Variants in CLCA4 observed in about 807,000 individuals in gnomAD.
The protein encoded by CLCA4 is chloride channel accessory 4.
In CLCA4, 69 loss-of-function variants were observed where a neutral mutation model predicts 78.9. The observed-to-expected ratio is 0.87, with a 90% CI of 0.72 to 1.07. The LOEUF is 1.07. CLCA4 is among the 50% of genes least tolerant of loss of function. The pLI, the probability that CLCA4 is intolerant of heterozygous loss-of-function variation, is 0.00. For missense variants in CLCA4, 1,133 were observed against 1,095.8 expected, an observed-to-expected ratio of 1.03 and a Z score of -0.48; for synonymous variants, 362 against 375.8, an observed-to-expected ratio of 0.96 and a Z score of 0.42.
At chr1:86,563,480 T>C (rs1650083294) in intron 3 of CLCA4, among the ~76,000 whole-genome samples, 181 bp from the exon 4 acceptor site, 1 of 152,110 alleles carries the variant, frequency 6.6e-6, no homozygotes, top group South Asian at 2.1e-4. Context: ...TATTACATAA[T>C]ATAGCATAAT....
intron 5 of CLCA4, 120 bp downstream of exon 5, chr1:86,565,571 TGGCTAACAC>T: frequency 3.8e-6 from 3 of 784,300 alleles, no homozygotes; most frequent in Non-Finnish European, 6.1e-6. Context: ...CTTTGAACAC[TGGCTAACAC>T]ATAGTATTTG....
Position 86,574,693 on chromosome 1 carries a change from GA to G in CLCA4, c.1625del (p.Asn542IlefsTer37). ...SLWDPSGTIM[E>X]NFTVDATSKM... is the part of the protein sequence containing the mutation. ...CTGGGATCCCAGTGGAACAATAATG[GA>G]AAATTTCACAGTGGATGCAACTTCC... On this transcript the variant is annotated frameshift_variant, in exon 10 of 14. Transcript: ENST00000370563. LOFTEE classifies it high-confidence loss of function. The G allele has an allele frequency of 1.9e-6, 3 of 1,613,254 alleles. No homozygotes were observed. The highest frequency in any genetic ancestry group is 1.7e-6 in the Non-Finnish European group (2 of 1,179,538).
chr1:86,567,323 T>C, intron 6 of CLCA4, 101 bp from the exon 7 acceptor site: 1 of 976,942 alleles, frequency 1.0e-6, no homozygotes. Flanking sequence ...TTACCATTCA[T>C]AGAAAATGTT....
At chr1:86,553,200 C>CAA in intron 1 of CLCA4, 1 of 1,158,544 alleles carries the variant, frequency 8.6e-7, no homozygotes, top group Admixed American at 1.7e-5. Context: ...AAGCATGTGG[C>CAA]AAAGCTGCAG....
intron 3 of CLCA4, 126 bp downstream of exon 3, chr1:86,560,484 T>A: frequency 1.1e-6 from 1 of 901,350 alleles, no homozygotes; most frequent in Non-Finnish European, 1.7e-6. Flanking sequence ...ACTTACTAGC[T>A]GTATGTGACC....
intron 1 of CLCA4, among the ~76,000 whole-genome samples, chr1:86,552,212 A>C (rs1649685897): frequency 6.6e-6 from 1 of 152,252 alleles, no homozygotes; most frequent in Non-Finnish European, 1.5e-5. Flanking sequence ...AAGTTTAAAA[A>C]TATGTATCTT....
At chr1:86,564,563 C>T (rs965256214) in intron 4 of CLCA4, among the ~76,000 whole-genome samples, 1 of 152,052 alleles carries the variant, frequency 6.6e-6, no homozygotes, top group African/African-American at 2.4e-5. Flanking sequence ...ATAGAAGCAT[C>T]GACATATTTA....
intron 1 of CLCA4, among the ~76,000 whole-genome samples, chr1:86,549,804 T>C (rs1364744867): frequency 6.6e-6 from 1 of 152,142 alleles, no homozygotes; most frequent in Non-Finnish European, 1.5e-5. Flanking sequence ...AGTTAGTTGG[T>C]TGGGGCTTTT....
rs1237585176 is a variant in CLCA4 at position 86,566,123 on chromosome 1, T to TA, written c.954+106dup. 1.3e-5 allele frequency: 12 copies of TA among 919,454 alleles called. No individual in the cohort carries two copies. The Admixed American group carries it at 3.3e-4, about 26-fold the overall frequency. The allele number at this position is 919,454 out of a possible 1,614,324, so 57.0% of individuals were successfully genotyped here. On this transcript the variant is annotated intron_variant, in intron 6 of 13. Transcript: ENST00000370563. Reference sequence around the variant, plus strand: ...GATTGTTCTAAATTGCATGGTGGCATAAAGTACCATCACTGCCCATGATCA... The same window carrying TA: ...GATTGTTCTAAATTGCATGGTGGCATAAAAGTACCATCACTGCCCATGATCA...
At chr1:86,574,448 C>A in intron 9 of CLCA4, 92 bp from the exon 10 acceptor site, 1 of 996,348 alleles carries the variant, frequency 1.0e-6, no homozygotes, top group Non-Finnish European at 1.5e-6. Context: ...CATTTATAAG[C>A]TTGTTCTCAG....
At chr1:86,553,959 G>A (rs1428059759) in intron 1 of CLCA4, among the ~76,000 whole-genome samples, 2 of 152,070 alleles carry the variant, frequency 1.3e-5, no homozygotes, top group East Asian at 3.9e-4. Flanking sequence ...GTGTGTCAAT[G>A]TATGACCCAT....
chr1:86,567,423 G>A lies in CLCA4; in HGVS notation c.955-1G>A. On this transcript the variant is annotated splice_acceptor_variant, in intron 6 of 13. Transcript: ENST00000370563. LOFTEE classifies it high-confidence loss of function. ...TTGTTTTTCTTGTCTTTTTAATCTA[G>A]GGTAAGGACCGCCTAAATCGAATGA... 6.3e-7 allele frequency: 1 copy of A among 1,598,012 alleles called. No homozygotes were observed. The highest frequency in any genetic ancestry group is 1.1e-5 in the South Asian group (1 of 88,462).
At position 86,565,283 on chromosome 1, in the gene CLCA4, A is replaced by G; in HGVS notation, c.567A>G (p.Ala189=). 6.3e-7 allele frequency: 1 copy of G among 1,590,690 alleles called. No homozygotes were observed. Among genetic ancestry groups the G allele is most frequent in the South Asian group, 1.2e-5 (1 of 86,652 alleles). The change falls in exon 5 of 14, where the codon GCA becomes GCG. Residue 189 remains alanine (A), a synonymous_variant. Coordinates refer to ENST00000370563, the MANE Select transcript of CLCA4 (RefSeq NM_012128.4). ...TGTCATATATTTTCAGGTGTTCCGC[A>G]GGTATCTCTGGTAGAAATAGAGTTT... The part of the protein sequence containing the change: ...SKKIEATRCS[A]GISGRNRVYK...
At chr1:86,552,300 A>C (rs1649688295) in intron 1 of CLCA4, among the ~76,000 whole-genome samples, 1 of 152,250 alleles carries the variant, frequency 6.6e-6, no homozygotes. Flanking sequence ...AGGTTGATGC[A>C]GCTGTGGTTC....
intron 1 of CLCA4, among the ~76,000 whole-genome samples, 194 bp from the exon 2 acceptor site, chr1:86,559,738 G>A (rs1254722236): frequency 6.6e-6 from 1 of 152,184 alleles, no homozygotes; most frequent in Non-Finnish European, 1.5e-5. Context: ...GACTGAGGAG[G>A]CTTTCAACGT....
intron 1 of CLCA4, among the ~76,000 whole-genome samples, chr1:86,557,179 G>GT (rs1649874719): frequency 6.6e-6 from 1 of 151,938 alleles, no homozygotes; most frequent in African/African-American, 2.4e-5. Flanking sequence ...CTTTTGAGTG[G>GT]TTTTTTGTGT....
intron 1 of CLCA4, among the ~76,000 whole-genome samples, chr1:86,547,706 A>AGAATAT (rs1300491631): frequency 6.6e-6 from 1 of 152,152 alleles, no homozygotes; most frequent in East Asian, 1.9e-4. Context: ...CATATGCATA[A>AGAATAT]GAATATGTGG....
chr1:86,564,240 T>C (rs919569746), intron 4 of CLCA4, among the ~76,000 whole-genome samples: 1 of 152,152 alleles, frequency 6.6e-6, no homozygotes, highest in African/African-American at 2.4e-5. Flanking sequence ...TCCTTTTGAT[T>C]CTGTGATCAA....
intron 7 of CLCA4, among the ~76,000 whole-genome samples, chr1:86,569,912 G>C (rs916365233): frequency 1.3e-5 from 2 of 151,898 alleles, no homozygotes; most frequent in Non-Finnish European, 2.9e-5. Context: ...GCAAGAAAAG[G>C]AGAGGTGAAA....
Sources: gnomAD v4.1 joint callset for allele counts (sites outside exome capture counted in the v4.1 genomes callset) on GRCh38, gnomAD v4.1.1 for gene constraint, MANE v1.5 for transcripts, NCBI Gene and HGNC (gene_info 2026-07-23, HGNC 2026-07-21) for gene names.